ATP1A2: variants seen among roughly 807,000 people sequenced by gnomAD.
The protein encoded by ATP1A2 is sodium/potassium-transporting ATPase subunit alpha-2.
Under a neutral mutation model 113.1 loss-of-function variants are expected in ATP1A2, and 56 were observed. The observed-to-expected ratio is 0.49, with a 90% confidence interval of 0.40 to 0.62. The LOEUF is 0.62. Ranked by LOEUF, ATP1A2 falls within the 20% of genes least tolerant of loss-of-function variation. The pLI, the probability that ATP1A2 is intolerant of heterozygous loss-of-function variation, is 0.00. For synonymous variants in ATP1A2, 490 were observed against 526.8 expected, an observed-to-expected ratio of 0.93 and a Z score of 0.96; for missense variants, 712 against 1,357.8, an observed-to-expected ratio of 0.52 and a Z score of 7.47.
At chr1:160,124,451 C>A (rs1392978881) in intron 6 of ATP1A2, 21 bp downstream of exon 6, 1 of 1,594,040 alleles carries the variant, frequency 6.3e-7, no homozygotes, top group Non-Finnish European at 8.5e-7. Flanking sequence ...CATACCAGAG[C>A]AAGCAGTTGA....
chr1:160,123,811 A>C, intron 4 of ATP1A2, 132 bp from the exon 5 acceptor site: 1 of 833,246 alleles, frequency 1.2e-6, no homozygotes, highest in Non-Finnish European at 2.0e-6. Context: ...TTCCCCTACC[A>C]TCATCACTCT....
At chr1:160,140,818 T>C (rs1652121573) in intron 22 of ATP1A2, 1 of 205,062 alleles carries the variant, frequency 4.9e-6, no homozygotes, top group Non-Finnish European at 9.7e-6. Flanking sequence ...CCCAGCTCAC[T>C]GGACCTCCTT....
At chr1:160,130,075 C>T (rs1460893096) in intron 11 of ATP1A2, 27 bp from the exon 12 acceptor site, 5 of 1,614,104 alleles carry the variant, frequency 3.1e-6, no homozygotes, top group South Asian at 1.1e-5. Flanking sequence ...GTATGGCCCT[C>T]TCTGTAACTA....
intron 7 of ATP1A2, among the ~76,000 whole-genome samples, chr1:160,127,330 C>T (rs1651616491): frequency 6.6e-6 from 1 of 152,208 alleles, no homozygotes; most frequent in South Asian, 2.1e-4. Flanking sequence ...TCTCCCCAGG[C>T]TCGAGTACAA....
intron 1 of ATP1A2, among the ~76,000 whole-genome samples, chr1:160,120,412 G>A (rs2753266): frequency 0.96 from 145,273 of 151,932 alleles, 69,795 homozygotes; most frequent in East Asian, 1. Flanking sequence ...AAAGACTCTT[G>A]CTCCCCCAAG....
In ATP1A2 at chr1:160,136,369, C is replaced by G; in HGVS notation, c.2562C>G (p.Ile854Met). Reference protein sequence around the residue: ...ERLISMAYGQIGMIQALGGFF... With the variant: ...ERLISMAYGQMGMIQALGGFF... ...TCATCAGCATGGCCTACGGACAGAT[C>G]GGTGCGCCAAGCCCCGGGCCTCGGG... Residue 854 changes from isoleucine (I) to methionine (M), a missense_variant and splice_region_variant, in exon 18 of 23, where the codon ATC becomes ATG. By Grantham distance (10) the Ile-to-Met change is conservative. Coordinates refer to ENST00000361216, the MANE Select transcript of ATP1A2 (RefSeq NM_000702.4). The G allele has an allele frequency of 6.2e-7, 1 of 1,614,010 alleles. No homozygotes were observed.
At chr1:160,128,389 C>A (rs1390458676) in intron 8 of ATP1A2, 2 of 944,352 alleles carry the variant, frequency 2.1e-6, no homozygotes, top group Non-Finnish European at 3.2e-6. Context: ...ATGACTCAGA[C>A]ATCCCTATGC....
At chr1:160,133,163 G>T (rs1651821358) in intron 13 of ATP1A2, among the ~76,000 whole-genome samples, 2 of 152,092 alleles carry the variant, frequency 1.3e-5, no homozygotes, top group African/African-American at 4.8e-5. Flanking sequence ...CAGAGGAGTG[G>T]AGGGAAAACA....
At position 160,134,592 on chromosome 1, in the gene ATP1A2, A is replaced by T. The variant is rs1651876191; in HGVS notation, c.1936A>T (p.Asn646Tyr). 6.2e-7 allele frequency: 1 copy of T among 1,614,124 alleles called. No homozygotes were observed. The highest frequency in any genetic ancestry group is 8.5e-7 in the Non-Finnish European group (1 of 1,180,042). The change falls in exon 14 of 23, where the codon AAC (asparagine) becomes TAC (tyrosine). Residue 646 changes from asparagine to tyrosine, a missense_variant. Transcript: ENST00000361216. ...TGTGGAGGACATTGCAGCCCGGCTC[A>T]ACATTCCCATGAGTCAAGTCAACCC... ...ETVEDIAARL[N>Y]IPMSQVNPRE...
Position 160,141,497 on chromosome 1 carries a change from C to T in ATP1A2, c.*175C>T, listed in dbSNP as rs886045421. 3.0e-5 allele frequency: 23 copies of T among 756,218 alleles called. No homozygotes were observed. The highest frequency in any genetic ancestry group is 4.8e-5 in the Non-Finnish European group (21 of 434,516). The allele number at this position is 756,218 out of a possible 1,614,324, so 46.8% of individuals were successfully genotyped here. ...GGTATATAAATTGGGGTGATGACCC[C>T]ATAGACCTAACTGTGAACAATCAGA... is the stretch of plus-strand genomic sequence containing the variant. On this transcript the variant is annotated 3_prime_UTR_variant, in exon 23 of 23. Coordinates refer to ENST00000361216, the MANE Select transcript of ATP1A2 (RefSeq NM_000702.4).
chr1:160,121,288 G>T (rs762897068), intron 3 of ATP1A2, 37 bp downstream of exon 3: 1 of 1,610,038 alleles, frequency 6.2e-7, no homozygotes, highest in East Asian at 2.2e-5. Context: ...AACAAAAGAG[G>T]CAAGAAAACC....
In ATP1A2 at chr1:160,133,049, C is replaced by A. The variant is rs116949966; in HGVS notation, c.1828-1435C>A. ...GCTTCACTTGCCTAAGGTGCTGTAGCTGGAGAAGGTCGGTGTTTAAACTTG... is the reference window on the plus strand; with the variant it reads ...GCTTCACTTGCCTAAGGTGCTGTAGATGGAGAAGGTCGGTGTTTAAACTTG... On this transcript the variant is annotated intron_variant, in intron 13 of 22. Transcript: ENST00000361216. Among the ~76,000 whole-genome samples the A allele has an allele frequency of 7.8e-3, 1,179 of 152,030 alleles. 37 individuals carry two copies. In the East Asian group the frequency reaches 0.083, roughly 11 times the overall value.
At chr1:160,138,223 G>C (rs1343902922) in intron 20 of ATP1A2, among the ~76,000 whole-genome samples, 1 of 152,204 alleles carries the variant, frequency 6.6e-6, no homozygotes, top group African/African-American at 2.4e-5. Flanking sequence ...GATGCTATTT[G>C]CCTTATTTTG....
chr1:160,119,876 G>C (rs946899386), intron 1 of ATP1A2, among the ~76,000 whole-genome samples: 4 of 151,224 alleles, frequency 2.6e-5, no homozygotes, highest in Non-Finnish European at 5.9e-5. Context: ...TTTTAAATTA[G>C]CTGAGCGTGG....
intron 20 of ATP1A2, 52 bp downstream of exon 20, chr1:160,137,083 C>T: frequency 6.2e-7 from 1 of 1,613,268 alleles, no homozygotes; most frequent in Non-Finnish European, 8.5e-7. Flanking sequence ...GGCACACTCA[C>T]CAACCCACAC....
intron 4 of ATP1A2, 80 bp from the exon 5 acceptor site, chr1:160,123,863 T>C (rs932737874): frequency 3.9e-5 from 49 of 1,269,168 alleles, no homozygotes; most frequent in Non-Finnish European, 5.6e-5. Context: ...TGGATGGCAC[T>C]GCCTGCTCAT....
chr1:160,123,912 T>G, intron 4 of ATP1A2, 31 bp from the exon 5 acceptor site: 1 of 1,607,082 alleles, frequency 6.2e-7, no homozygotes, highest in Non-Finnish European at 8.5e-7. Flanking sequence ...GGGGGGAAGG[T>G]CAGGTCCCTG....
chr1:160,143,434 G>A lies in ATP1A2; in HGVS notation c.*2112G>A, dbSNP rs1453316269. On this transcript the variant is annotated 3_prime_UTR_variant, in exon 23 of 23. Transcript: ENST00000361216. Reference sequence around the variant, plus strand: ...CAGGCACTTTAGAAATATCCTTTTAGAAGCAGCGAGTGCATGGGCTAATTA... The same window carrying A: ...CAGGCACTTTAGAAATATCCTTTTAAAAGCAGCGAGTGCATGGGCTAATTA... 1 of 152,598 alleles carries A rather than the reference G, an allele frequency of 6.6e-6. No individual in the cohort carries two copies. The highest frequency in any genetic ancestry group is 6.5e-5 in the Admixed American group (1 of 15,278). 9.5% of individuals were successfully genotyped at this position (152,598 alleles called of 1,614,324 possible). A position where few individuals can be genotyped will look rare whatever the true frequency, so the allele number is the denominator to read the frequency against.
chr1:160,134,402 CT>C lies in ATP1A2; in HGVS notation c.1828-79del, dbSNP rs1651870035. 6.9e-6 allele frequency: 11 copies of C among 1,601,480 alleles called. No individual in the cohort carries two copies. In the Admixed American group the frequency reaches 1.9e-4, roughly 27 times the overall value. On this transcript the variant is annotated intron_variant, in intron 13 of 22. Coordinates refer to ENST00000361216, the MANE Select transcript of ATP1A2 (RefSeq NM_000702.4). ...CATCCCCAGACATCTCGCTATCTAG[CT>C]TTCTCTTACTTTGGGAGAGGAACAG... is the stretch of plus-strand genomic sequence containing the variant.
Sources: gnomAD v4.1 joint callset for allele counts (sites outside exome capture counted in the v4.1 genomes callset) on GRCh38, gnomAD v4.1.1 for gene constraint, MANE v1.5 for transcripts, NCBI Gene and HGNC (gene_info 2026-07-23, HGNC 2026-07-21) for gene names.